The following LIFR variants were observed in gnomAD, a reference collection of about 807,000 sequenced individuals.
LIFR encodes LIF receptor subunit alpha, also known as leukemia inhibitory factor receptor.
A neutral mutation model predicts 122.2 loss-of-function variants in LIFR; 84 were observed. The ratio of observed to expected loss-of-function variants is 0.69; its 90% CI spans 0.58 to 0.82. The LOEUF (loss-of-function observed/expected upper bound fraction) is 0.82. Ranked by LOEUF, LIFR falls within the 40% of genes least tolerant of loss-of-function variation. The probability of loss-of-function intolerance (pLI) is 0.00; values close to 1 mark genes in which losing one functional copy is unlikely to be tolerated. For synonymous variants in LIFR, 422 were observed against 434.7 expected (o/e 0.97, Z 0.36); for missense variants, 1,294 against 1,311.6 (o/e 0.99, Z 0.21).
Position 38,478,281 on chromosome 5 carries a change from T to C in LIFR, c.*3314A>G, listed in dbSNP as rs560364899. On this transcript the variant is annotated 3_prime_UTR_variant, in exon 20 of 20. Transcript: ENST00000453190. ...TTTCTGAGAGTGTAATAGTACTAAA[T>C]GTTCTAAATGTAATCTTTCAGATCC... is the stretch of plus-strand genomic sequence containing the variant. 1 of 206,456 alleles carries C rather than the reference T, an allele frequency of 4.8e-6. No individual in the cohort carries two copies. Among genetic ancestry groups the C allele is most frequent in the Admixed American group, 5.9e-5 (1 of 16,844 alleles). 12.8% of individuals were successfully genotyped at this position (206,456 alleles called of 1,614,324 possible). A position where few individuals can be genotyped will look rare whatever the true frequency, so the allele number is the denominator to read the frequency against.
rs1295628495 is a variant in LIFR at position 38,563,801 on chromosome 5, A to G, written c.-20+31460T>C. On this transcript the variant is annotated intron_variant, in intron 1 of 19. Coordinates refer to the LIFR transcript ENST00000263409. ...ACGGTTACTGACAACAGTGTGATTC[A>G]AACCATGGCAGTCTGGCTCCAAAGC... Among the ~76,000 whole-genome samples the G allele has an allele frequency of 2.6e-5, 4 of 152,188 alleles. No individual in the cohort carries two copies. In the East Asian group the frequency reaches 7.7e-4, roughly 29 times the overall value.
chr5:38,582,194 C>A (rs780904704), intron 1 of LIFR, among the ~76,000 whole-genome samples: 21 of 151,956 alleles, frequency 1.4e-4, no homozygotes, highest in African/African-American at 4.6e-4. Context: ...CCAAGTAGCA[C>A]GTGACACCAT....
intron 2 of LIFR, 120 bp from the exon 3 acceptor site, chr5:38,528,960 G>T: frequency 1.4e-6 from 1 of 696,392 alleles, no homozygotes. Context: ...GCACAAGCAT[G>T]TGTGTCTGCA....
At chr5:38,603,515 C>T (rs1228464277) in intron 2 of LIFR, among the ~76,000 whole-genome samples, 2 of 152,186 alleles carry the variant, frequency 1.3e-5, no homozygotes, top group African/African-American at 4.8e-5. Context: ...CTGTCCCTTC[C>T]AAACCCAAGG....
chr5:38,523,297 GA>G, intron 5 of LIFR, 121 bp downstream of exon 5: 1 of 747,898 alleles, frequency 1.3e-6, no homozygotes, highest in Non-Finnish European at 2.3e-6. Context: ...AATGAACCCT[GA>G]AAGGTATCTG....
At chr5:38,586,299 A>T (rs1749747332) in intron 1 of LIFR, among the ~76,000 whole-genome samples, 1 of 152,124 alleles carries the variant, frequency 6.6e-6, no homozygotes, top group African/African-American at 2.4e-5. Flanking sequence ...TGTCCTACCT[A>T]TGTTAAATTT....
At position 38,542,509 on chromosome 5, in the gene LIFR, G is replaced by A. The variant is rs76753597; in HGVS notation, c.-19-11843C>T. On this transcript the variant is annotated intron_variant, in intron 1 of 19. Transcript: ENST00000453190. Reference sequence around the variant, plus strand: ...CTGCACAAAGGCAATGCTTCTAACCGGTCTCAGGACTTCTGATCCTCCCAT... The same window carrying A: ...CTGCACAAAGGCAATGCTTCTAACCAGTCTCAGGACTTCTGATCCTCCCAT... 0.012 allele frequency among the ~76,000 whole-genome samples: 1,772 copies of A among 152,070 alleles called. 180 individuals carry two copies. The East Asian group carries it at 0.25, about 22-fold the overall frequency.
In LIFR at chr5:38,506,060, T is replaced by C; in HGVS notation, c.1136A>G (p.Tyr379Cys). The C allele has an allele frequency of 6.3e-7, 1 of 1,595,664 alleles. No homozygotes were observed. The highest frequency in any genetic ancestry group is 8.6e-7 in the Non-Finnish European group (1 of 1,168,062). Residue 379 changes from tyrosine (Y) to cysteine (C), a missense_variant, in exon 9 of 20, where the codon TAT (tyrosine) becomes TGT (cysteine). Coordinates refer to ENST00000453190, the MANE Select transcript of LIFR (RefSeq NM_001127671.2). ...YTLVESFSGK[Y>C]VRLKRAEAPT... ...TGCTTCAGCTCTTTTAAGTCTAACA[T>C]ATTTTCCTGAAAAACTGTTAATTAA...
chr5:38,485,824 T>C lies in LIFR; in HGVS notation c.2492A>G (p.Glu831Gly), dbSNP rs777489616. 1.2e-5 allele frequency: 20 copies of C among 1,613,878 alleles called. No homozygotes were observed. The highest frequency in any genetic ancestry group is 2.2e-5 in the East Asian group (1 of 44,890). Residue 831 changes from glutamate to glycine, a missense_variant, in exon 17 of 20, where the codon GAA becomes GGA. Transcript: ENST00000453190. ...PEKSMYVVTK[E>G]NSVGLIIAIL... ...AACAGCAACCTGAAACTTACAATTTTCCTTTGTCACCACATACATACTCTT... is the reference window on the plus strand; with the variant it reads ...AACAGCAACCTGAAACTTACAATTTCCCTTTGTCACCACATACATACTCTT...
chr5:38,506,307 G>A (rs974875880), intron 8 of LIFR, among the ~76,000 whole-genome samples, 196 bp downstream of exon 8: 3 of 152,082 alleles, frequency 2.0e-5, no homozygotes, highest in Admixed American at 6.5e-5. Flanking sequence ...TTCATTCTAA[G>A]CTTCTTAAAA....
At chr5:38,511,999 A>G (rs764374904) in intron 5 of LIFR, 35 bp from the exon 6 acceptor site, 4 of 1,602,188 alleles carry the variant, frequency 2.5e-6, no homozygotes, top group Non-Finnish European at 3.4e-6. Context: ...CTGTATTTCC[A>G]AGTAGCAATA....
intron 2 of LIFR, among the ~76,000 whole-genome samples, chr5:38,601,205 C>G (rs1028127259): frequency 1.3e-5 from 2 of 152,200 alleles, no homozygotes; most frequent in Non-Finnish European, 2.9e-5. Flanking sequence ...AGCTTGCTTC[C>G]TCTTTCTGCC....
chr5:38,597,004 T>C (rs1169772535), upstream of LIFR, among the ~76,000 whole-genome samples: 4 of 152,168 alleles, frequency 2.6e-5, no homozygotes, highest in African/African-American at 9.7e-5. Flanking sequence ...GGACAGGATG[T>C]CCCCATCATC....
intron 5 of LIFR, among the ~76,000 whole-genome samples, chr5:38,522,999 T>G (rs982495446): frequency 3.3e-5 from 5 of 152,144 alleles, no homozygotes; most frequent in African/African-American, 1.2e-4. Flanking sequence ...ACTGATAAAT[T>G]CAAGCTTATA....
intron 1 of LIFR, among the ~76,000 whole-genome samples, chr5:38,578,118 A>G (rs1749446066): frequency 6.6e-6 from 1 of 152,060 alleles, no homozygotes; most frequent in Non-Finnish European, 1.5e-5. Context: ...CCTAGGACCC[A>G]TCCAAGGCCC....
In LIFR at chr5:38,527,196, C is replaced by T. The variant is rs766013625; in HGVS notation, c.356G>A (p.Gly119Glu). 2 of 1,591,212 alleles carry T rather than the reference C, an allele frequency of 1.3e-6. No homozygotes were observed. The highest frequency in any genetic ancestry group is 1.7e-6 in the Non-Finnish European group (2 of 1,161,138). Residue 119 changes from glycine to glutamate, a missense_variant, in exon 4 of 20, where the codon GGA becomes GAA. Physicochemically the swap from Gly to Glu is moderately conservative, Grantham distance 98. Transcript: ENST00000453190. ...TAGTGTGAATTTACTTGTAGAACTT[C>T]CAAAATCATGTAGAGAATTTATTGT... ...EITINSLHDFGSSTSKFTLNE... is the reference protein window; with the variant it reads ...EITINSLHDFESSTSKFTLNE...
intron 5 of LIFR, among the ~76,000 whole-genome samples, chr5:38,517,544 G>C (rs569035860): frequency 6.6e-6 from 1 of 152,186 alleles, no homozygotes; most frequent in Admixed American, 6.6e-5. Context: ...AGAAAAGTGA[G>C]AGTCTGCAGG....
chr5:38,568,247 G>A (rs1220300813), intron 1 of LIFR, among the ~76,000 whole-genome samples: 3 of 152,168 alleles, frequency 2.0e-5, no homozygotes, highest in Admixed American at 6.5e-5. Context: ...GGGTTTAAAC[G>A]GATAGAGAAT....
At position 38,496,562 on chromosome 5, in the gene LIFR, G is replaced by A; in HGVS notation, c.1705C>T (p.Leu569Phe). The A allele has an allele frequency of 6.2e-7, 1 of 1,613,636 alleles. No homozygotes were observed. The highest frequency in any genetic ancestry group is 8.5e-7 in the Non-Finnish European group (1 of 1,179,548). Residue 569 changes from leucine (L) to phenylalanine (F), a missense_variant, in exon 13 of 20, where the codon CTT (leucine) becomes TTT (phenylalanine). Physicochemically the swap from Leu to Phe is conservative, Grantham distance 22 (BLOSUM62 0). Coordinates refer to ENST00000453190, the MANE Select transcript of LIFR (RefSeq NM_001127671.2). The stretch of plus-strand genomic sequence containing the variant: ...GATGAACACGATACATTGTAGGAAA[G>A]TATTTTTCCATTAGCTTCATTAATG... ...LPINEANGKI[L>F]SYNVSCSSDE... is the part of the protein sequence containing the mutation.
Sources: allele counts gnomAD v4.1 joint callset (sites outside exome capture counted in the v4.1 genomes callset), GRCh38; gene constraint gnomAD v4.1.1; transcripts MANE v1.5; gene names NCBI Gene and HGNC (gene_info 2026-07-23, HGNC 2026-07-21).